ACTN3: variants seen among roughly 807,000 people sequenced by gnomAD.
ACTN3 encodes the protein alpha-actinin-3.
A neutral mutation model predicts 119.6 loss-of-function variants in ACTN3; 91 were observed. The observed-to-expected ratio is 0.76, with a 90% CI of 0.64 to 0.91. The LOEUF is 0.91. ACTN3 is among the 40% of genes least tolerant of loss of function. ACTN3 has a pLI of 0.00. For missense variants in ACTN3, 1,221 were observed against 1,215.1 expected (o/e 1.00, Z -0.07); for synonymous variants, 456 against 478.8 (o/e 0.95, Z 0.62).
In ACTN3 at chr11:66,562,064, C is replaced by G. The variant is rs753579084; in HGVS notation, c.2218C>G (p.Arg740Gly). The G allele has an allele frequency of 8.7e-6, 14 of 1,613,448 alleles. No individual in the cohort carries two copies. Among genetic ancestry groups the G allele is most frequent in the Non-Finnish European group, 1.2e-5 (14 of 1,179,752 alleles). The part of the protein sequence containing the change: ...GWEQLLTSIA[R>G]TINEVENQVL... ...GGAGCAGCTGCTCACCTCCATTGCC[C>G]GCACCATCAATGAAGTGGAGAACCA... is the stretch of plus-strand genomic sequence containing the variant. Residue 740 changes from arginine (R) to glycine (G), a missense_variant, in exon 18 of 21, where the codon CGC (arginine) becomes GGC (glycine). Arg to Gly is a moderately radical substitution (Grantham distance 125, BLOSUM62 -2). Around this residue, in one of 3 missense-constraint regions of ACTN3, gnomAD observed 934 missense variants for 899.9 expected, o/e 1.04. Coordinates refer to ENST00000513398, the MANE Select transcript of ACTN3 (RefSeq NM_001104.4).
At chr11:66,553,581 G>T (rs999788498) in intron 3 of ACTN3, among the ~76,000 whole-genome samples, 1 of 149,204 alleles carries the variant, frequency 6.7e-6, no homozygotes. Context: ...AAAAAGAAAA[G>T]AAAAAGAGGC....
intron 15 of ACTN3, 68 bp downstream of exon 15, chr11:66,560,823 G>A: frequency 6.6e-7 from 1 of 1,506,460 alleles, no homozygotes; most frequent in Non-Finnish European, 9.0e-7. Context: ...AATCTCGGGT[G>A]GCCCAAGATA....
chr11:66,553,034 A>T (rs1318562528), intron 3 of ACTN3, among the ~76,000 whole-genome samples: 1 of 152,078 alleles, frequency 6.6e-6, no homozygotes, highest in Non-Finnish European at 1.5e-5. Flanking sequence ...AGGCAAGCAG[A>T]TCATGAGGTC....
Position 66,562,859 on chromosome 11 carries a change from T to C in ACTN3, c.2452T>C (p.Phe818Leu), listed in dbSNP as rs765622658. 16 of 1,613,678 alleles carry C rather than the reference T, an allele frequency of 9.9e-6. No homozygotes were observed. Among genetic ancestry groups the C allele is most frequent in the Non-Finnish European group, 1.4e-5 (16 of 1,179,804 alleles). The change falls in exon 20 of 21, where the codon TTC becomes CTC. Residue 818 changes from phenylalanine to leucine, a missense_variant. Phe to Leu is a conservative substitution (Grantham distance 22). Transcript: ENST00000513398. The part of the protein sequence containing the change: ...VDPNAAGVVT[F>L]QAFIDFMTRE... ...CCCCAACGCAGCTGGGGTGGTGACC[T>C]TCCAGGCCTTCATAGACTTCATGAC...
In ACTN3 at chr11:66,555,262, C is replaced by T. The variant is rs757537758; in HGVS notation, c.637-24C>T. On this transcript the variant is annotated intron_variant, in intron 6 of 20. Coordinates refer to ENST00000513398, the MANE Select transcript of ACTN3 (RefSeq NM_001104.4). Reference sequence around the variant, plus strand: ...GCCTCTGCCTGCAGCTGACCTTTCACCCTCCTCCCTTACACCCTTCTAGGA... The same window carrying T: ...GCCTCTGCCTGCAGCTGACCTTTCATCCTCCTCCCTTACACCCTTCTAGGA... 6.8e-6 allele frequency: 11 copies of T among 1,614,034 alleles called. No individual in the cohort carries two copies. In the Middle Eastern group the frequency reaches 9.9e-4, roughly 145 times the overall value.
intron 11 of ACTN3, among the ~76,000 whole-genome samples, chr11:66,558,512 C>G (rs1857655270): frequency 6.6e-6 from 1 of 152,192 alleles, no homozygotes; most frequent in Non-Finnish European, 1.5e-5. Flanking sequence ...GGACCACAGG[C>G]GTGCACCACC....
In ACTN3 at chr11:66,561,462, T is replaced by C. The variant is rs751921813; in HGVS notation, c.2000T>C (p.Val667Ala). ...GCTGCCTGGGAACCCCTGCAGGAAGTGGGGCGGCTGGCAGCAGGGCTAGCT... is the reference window on the plus strand; with the variant it reads ...GCTGCCTGGGAACCCCTGCAGGAAGCGGGGCGGCTGGCAGCAGGGCTAGCT... ...GPWIQAKVEE[V>A]GRLAAGLAGS... The change falls in exon 17 of 21, where the codon GTG becomes GCG. Residue 667 changes from valine to alanine, a missense_variant. By Grantham distance (64) the Val-to-Ala change is moderately conservative. Around this residue, in one of 3 missense-constraint regions of ACTN3, gnomAD observed 934 missense variants for 899.9 expected, o/e 1.04. Coordinates refer to ENST00000513398, the MANE Select transcript of ACTN3 (RefSeq NM_001104.4). 1.9e-6 allele frequency: 3 copies of C among 1,599,280 alleles called. No homozygotes were observed. The highest frequency in any genetic ancestry group is 4.5e-5 in the East Asian group (2 of 44,320).
At chr11:66,558,244 G>A in intron 11 of ACTN3, 70 bp downstream of exon 11, 2 of 1,583,216 alleles carry the variant, frequency 1.3e-6, no homozygotes, top group African/African-American at 1.3e-5. Flanking sequence ...GGCAGGAGGG[G>A]AGGTTCTTGG....
At chr11:66,561,899 G>C in intron 17 of ACTN3, 123 bp from the exon 18 acceptor site, 1 of 1,219,778 alleles carries the variant, frequency 8.2e-7, no homozygotes, top group East Asian at 2.6e-5. Context: ...GCCTCCAGAT[G>C]GGGATGGAGG....
chr11:66,556,666 G>A (rs1294849673), intron 8 of ACTN3, among the ~76,000 whole-genome samples: 2 of 152,134 alleles, frequency 1.3e-5, no homozygotes, highest in South Asian at 2.1e-4. Flanking sequence ...CGAACTCCTG[G>A]ACTCAAGTAA....
chr11:66,561,701 A>C, intron 17 of ACTN3, 64 bp downstream of exon 17: 2 of 1,523,532 alleles, frequency 1.3e-6, no homozygotes, highest in Non-Finnish European at 1.8e-6. Flanking sequence ...CAGGGAGATC[A>C]CAGCTGGACA....
chr11:66,547,193 G>A (rs1013622805), intron 1 of ACTN3, 109 bp downstream of exon 1: 2 of 1,281,552 alleles, frequency 1.6e-6, no homozygotes, highest in African/African-American at 3.1e-5. Context: ...AACCTAGAGT[G>A]CTAATCCCCA....
rs752224300 is a variant in ACTN3, at chr11:66,559,392, C to T, written c.1427+6C>T. ...GCGCTGGCCCAGGAGCTCAAGTAGGCGGGGCCTCGCGGGGCCCGCCCCCAA... is the reference window on the plus strand; with the variant it reads ...GCGCTGGCCCAGGAGCTCAAGTAGGTGGGGCCTCGCGGGGCCCGCCCCCAA... On this transcript the variant is annotated splice_donor_region_variant and intron_variant, in intron 12 of 20. Transcript: ENST00000513398. The T allele has an allele frequency of 6.7e-7, 1 of 1,486,058 alleles. No homozygotes were observed. Among genetic ancestry groups the T allele is most frequent in the Non-Finnish European group, 8.9e-7 (1 of 1,125,502 alleles). 92.1% of individuals were successfully genotyped at this position (1,486,058 alleles called of 1,614,324 possible).
Position 66,563,174 on chromosome 11 carries a change from A to G in ACTN3, c.2687A>G (p.Tyr896Cys), listed in dbSNP as rs765353192. The G allele has an allele frequency of 1.9e-6, 3 of 1,607,480 alleles. No individual in the cohort carries two copies. In the South Asian group the frequency reaches 3.3e-5, roughly 18 times the overall value. Reference sequence around the variant, plus strand: ...TACGTGGCCTTCTCCAGTGCCCTCTATGGGGAGAGCGACCTTTGACCCCAA... The same window carrying G: ...TACGTGGCCTTCTCCAGTGCCCTCTGTGGGGAGAGCGACCTTTGACCCCAA... ...LDYVAFSSAL[Y>C]GESDL is the part of the protein sequence containing the mutation. Residue 896 changes from tyrosine (Y) to cysteine (C), a missense_variant, in exon 21 of 21, where the codon TAT becomes TGT. Around this residue, in one of 3 missense-constraint regions of ACTN3, gnomAD observed 934 missense variants for 899.9 expected, o/e 1.04. Transcript: ENST00000513398.
At chr11:66,549,881 C>T (rs1010217097) in intron 1 of ACTN3, among the ~76,000 whole-genome samples, 3 of 152,030 alleles carry the variant, frequency 2.0e-5, no homozygotes, top group Admixed American at 1.3e-4. Context: ...CTTAGGTTCC[C>T]ATCAAGTTGT....
rs1432083250 is a variant in ACTN3, at chr11:66,562,400, A to G, written c.2388+78A>G. On this transcript the variant is annotated intron_variant, in intron 19 of 20. Transcript: ENST00000513398. ...GCTGATCACCTACTGTGCACCTCCC[A>G]TCTTCACATACACCATCCCCTGCAT... The G allele has an allele frequency of 2.8e-6, 4 of 1,432,558 alleles. No individual in the cohort carries two copies. The African/African-American group carries it at 4.2e-5, about 15-fold the overall frequency. The allele number at this position is 1,432,558 out of a possible 1,614,324, so 88.7% of individuals were successfully genotyped here.
chr11:66,559,188 C>T lies in ACTN3; in HGVS notation c.1277-48C>T, dbSNP rs752698855. 5 of 1,444,142 alleles carry T rather than the reference C, an allele frequency of 3.5e-6. No individual in the cohort carries two copies. In the South Asian group the frequency reaches 4.6e-5, roughly 13 times the overall value. The allele number at this position is 1,444,142 out of a possible 1,614,324, so 89.5% of individuals were successfully genotyped here. On this transcript the variant is annotated intron_variant, in intron 11 of 20. Transcript: ENST00000513398. The stretch of plus-strand genomic sequence containing the variant: ...TGGTCACGCAGCCCGCCGCGCACCC[C>T]TGCCCCTGCCGCCACTGGGTGACCG...
intron 13 of ACTN3, 21 bp downstream of exon 13, chr11:66,560,097 GC>G: frequency 6.5e-7 from 1 of 1,548,464 alleles, no homozygotes; most frequent in Admixed American, 2.0e-5. Context: ...GGGCCGGGGA[GC>G]TGGGGGGTGG....
rs558866869 is a variant in ACTN3 at position 66,547,611 on chromosome 11, C to T, written c.147+527C>T. 4.6e-5 allele frequency among the ~76,000 whole-genome samples: 7 copies of T among 152,196 alleles called. No homozygotes were observed. In the South Asian group the frequency reaches 1.5e-3, roughly 32 times the overall value. ...AAGCCCAGAAAGAGCACAGACAGGC[C>T]CCACATCACAGACTGTCAGACATCA... is the stretch of plus-strand genomic sequence containing the variant. On this transcript the variant is annotated intron_variant, in intron 1 of 20. Transcript: ENST00000513398.
Sources: allele counts gnomAD v4.1 joint callset (sites outside exome capture counted in the v4.1 genomes callset), GRCh38; gene constraint gnomAD v4.1.1; regional missense constraint gnomAD v4.1.1; transcripts MANE v1.5; gene names NCBI Gene and HGNC (gene_info 2026-07-23, HGNC 2026-07-21).